Variants in DLX3 observed in about 807,000 individuals in gnomAD.
DLX3 encodes the protein homeobox protein DLX-3.
In DLX3, 9 loss-of-function variants were observed where a neutral mutation model predicts 28.0. The observed-to-expected ratio is 0.32, with a 90% confidence interval of 0.19 to 0.56. The LOEUF is 0.56. Among genes scored for constraint, DLX3 ranks in the 20% least tolerant of loss-of-function variants. DLX3 has a pLI of 0.91. For synonymous variants in DLX3, 154 were observed against 167.9 expected (o/e 0.92, Z 0.64); for missense variants, 313 against 378.2 (o/e 0.83, Z 1.43).
At position 49,995,169 on chromosome 17, in the gene DLX3, G is replaced by A; in HGVS notation, c.-171C>T. On this transcript the variant is annotated 5_prime_UTR_variant, in exon 1 of 3. Coordinates refer to ENST00000434704, the MANE Select transcript of DLX3 (RefSeq NM_005220.3). ...CCGAGAGGCGCTTACACCATTGCCTGCCGTCAGGCGGTCGCTGCGCGCCTC... is the reference window on the plus strand; with the variant it reads ...CCGAGAGGCGCTTACACCATTGCCTACCGTCAGGCGGTCGCTGCGCGCCTC... 1 of 796,918 alleles carries A rather than the reference G, an allele frequency of 1.3e-6. No homozygotes were observed. The highest frequency in any genetic ancestry group is 2.0e-6 in the Non-Finnish European group (1 of 493,422). The allele number at this position is 796,918 out of a possible 1,614,324, so 49.4% of individuals were successfully genotyped here.
At position 49,993,487 on chromosome 17, in the gene DLX3, G is replaced by A; in HGVS notation, c.429C>T (p.Ala143=). The stretch of plus-strand genomic sequence containing the variant: ...GGGCCTTCTGGAAGCGGCGCTGCAG[G>A]GCGGCCAGCTGGTAGCTGGAGTAGA... ...RTIYSSYQLA[A]LQRRFQKAQY... is the part of the protein sequence containing the mutation. The change falls in exon 2 of 3, where the codon GCC becomes GCT. Residue 143 remains alanine (A), a synonymous_variant. Coordinates refer to ENST00000434704, the MANE Select transcript of DLX3 (RefSeq NM_005220.3). The A allele has an allele frequency of 1.2e-6, 2 of 1,613,094 alleles. No individual in the cohort carries two copies. Among genetic ancestry groups the A allele is most frequent in the Non-Finnish European group, 1.7e-6 (2 of 1,179,474 alleles).
intron 1 of DLX3, among the ~76,000 whole-genome samples, chr17:49,994,255 C>T (rs1906202414): frequency 6.6e-6 from 1 of 151,898 alleles, no homozygotes; most frequent in Non-Finnish European, 1.5e-5. Context: ...TCTCATTGCC[C>T]CCTCACGACT....
At position 49,991,733 on chromosome 17, in the gene DLX3, C is replaced by G. The variant is rs773054749; in HGVS notation, c.648G>C (p.Trp216Cys). Residue 216 changes from tryptophan (W) to cysteine (C), a missense_variant, in exon 3 of 3, where the codon TGG becomes TGC. Transcript: ENST00000434704. ...ACNSPPSPAL[W>C]DTSSHSTPAP... ...CCGGAGTGGAGTGGGAAGAGGTGTC[C>G]CAGAGGGCGGGTGATGGTGGTGAGT... 6.2e-7 allele frequency: 1 copy of G among 1,613,866 alleles called. No homozygotes were observed. The highest frequency in any genetic ancestry group is 8.5e-7 in the Non-Finnish European group (1 of 1,179,972).
In DLX3 at chr17:49,990,992, C is replaced by T. The variant is rs1368592193; in HGVS notation, c.*525G>A. 1.3e-5 allele frequency: 2 copies of T among 158,790 alleles called. No individual in the cohort carries two copies. Among genetic ancestry groups the T allele is most frequent in the African/African-American group, 2.4e-5 (1 of 41,488 alleles). The allele number at this position is 158,790 out of a possible 1,614,324, so 9.8% of individuals were successfully genotyped here. On this transcript the variant is annotated 3_prime_UTR_variant, in exon 3 of 3. Transcript: ENST00000434704. ...GCGGTGACCAGTTCAGGTCCCCACCCGGAGTCCTCGTCATGATGTCCACTG... is the reference window on the plus strand; with the variant it reads ...GCGGTGACCAGTTCAGGTCCCCACCTGGAGTCCTCGTCATGATGTCCACTG...
chr17:49,993,265 C>T, intron 2 of DLX3, 135 bp downstream of exon 2: 1 of 903,734 alleles, frequency 1.1e-6, no homozygotes, highest in Non-Finnish European at 1.7e-6. Flanking sequence ...CGAAGTTGAA[C>T]CTCGCAGGCC....
In DLX3 at chr17:49,991,427, T is replaced by C. The variant is rs1389151845; in HGVS notation, c.*90A>G. On this transcript the variant is annotated 3_prime_UTR_variant, in exon 3 of 3. Coordinates refer to ENST00000434704, the MANE Select transcript of DLX3 (RefSeq NM_005220.3). Reference sequence around the variant, plus strand: ...GGGGAAAGGGAGTTCCTTTTCCCTGTGCTCCTCGATGATTCCTGAGTGGCT... The same window carrying C: ...GGGGAAAGGGAGTTCCTTTTCCCTGCGCTCCTCGATGATTCCTGAGTGGCT... The C allele has an allele frequency of 2.6e-6, 3 of 1,170,440 alleles. No individual in the cohort carries two copies. The highest frequency in any genetic ancestry group is 3.6e-6 in the Non-Finnish European group (3 of 843,674). 72.5% of individuals were successfully genotyped at this position (1,170,440 alleles called of 1,614,324 possible). A position where few individuals can be genotyped will look rare whatever the true frequency, so the allele number is the denominator to read the frequency against.
chr17:49,993,342 G>A, intron 2 of DLX3, 58 bp downstream of exon 2: 1 of 1,519,424 alleles, frequency 6.6e-7, no homozygotes, highest in Non-Finnish European at 8.8e-7. Flanking sequence ...GCTCGGCAGC[G>A]CGCGGGGAAC....
chr17:49,993,305 C>T (rs1906157960), intron 2 of DLX3, 95 bp downstream of exon 2: 1 of 1,347,684 alleles, frequency 7.4e-7, no homozygotes, highest in South Asian at 1.3e-5. Context: ...TTCCAGGAGC[C>T]CGCAGGGCCC....
intron 1 of DLX3, among the ~76,000 whole-genome samples, chr17:49,994,256 C>G (rs1906202480): frequency 6.6e-6 from 1 of 152,080 alleles, no homozygotes; most frequent in Non-Finnish European, 1.5e-5. Context: ...CTCATTGCCC[C>G]CTCACGACTC....
Position 49,995,188 on chromosome 17 carries a change from G to A in DLX3, c.-190C>T, listed in dbSNP as rs886053136. ...TTGCCTGCCGTCAGGCGGTCGCTGC[G>A]CGCCTCTCCTCGCGTCCCAAGCCAC... On this transcript the variant is annotated 5_prime_UTR_variant, in exon 1 of 3. Coordinates refer to ENST00000434704, the MANE Select transcript of DLX3 (RefSeq NM_005220.3). 1.8e-4 allele frequency: 128 copies of A among 708,856 alleles called. 1 individual carries two copies. Among genetic ancestry groups the A allele is most frequent in the Admixed American group, 3.3e-4 (14 of 42,506 alleles). The allele number at this position is 708,856 out of a possible 1,614,324, so 43.9% of individuals were successfully genotyped here. A position where few individuals can be genotyped will look rare whatever the true frequency, so the allele number is the denominator to read the frequency against.
At position 49,991,181 on chromosome 17, in the gene DLX3, A is replaced by G; in HGVS notation, c.*336T>C. 1 of 271,534 alleles carries G rather than the reference A, an allele frequency of 3.7e-6. No individual in the cohort carries two copies. The highest frequency in any genetic ancestry group is 7.0e-6 in the Non-Finnish European group (1 of 143,628). The allele number at this position is 271,534 out of a possible 1,614,324, so 16.8% of individuals were successfully genotyped here. On this transcript the variant is annotated 3_prime_UTR_variant, in exon 3 of 3. Transcript: ENST00000434704. ...ATCCCAAGGTCTCCAGTCTGGGAAC[A>G]GGCACTAAGTTTAAGAAGCTGGAAG...
chr17:49,993,698 G>T (rs1906181890), intron 1 of DLX3, 108 bp from the exon 2 acceptor site: 1 of 1,311,832 alleles, frequency 7.6e-7, no homozygotes, highest in East Asian at 2.8e-5. Context: ...CCACCGACTC[G>T]CCGCGGGATT....
At position 49,991,799 on chromosome 17, in the gene DLX3, C is replaced by A. The variant is rs11868203; in HGVS notation, c.582G>T (p.Pro194=). The change falls in exon 3 of 3, where the codon CCG becomes CCT. Residue 194 remains proline, a synonymous_variant. Coordinates refer to ENST00000434704, the MANE Select transcript of DLX3 (RefSeq NM_005220.3). ...FKKLYKNGEV[P]LEHSPNNSDS... is the part of the protein sequence containing the mutation. Reference sequence around the variant, plus strand: ...CACTGTTATTGGGACTGTGCTCCAGCGGCACCTCCCCGTTCTTGTAGAGTT... The same window carrying A: ...CACTGTTATTGGGACTGTGCTCCAGAGGCACCTCCCCGTTCTTGTAGAGTT... 2.6e-5 allele frequency: 42 copies of A among 1,613,940 alleles called. No homozygotes were observed. In the Admixed American group the frequency reaches 3.0e-4, roughly 12 times the overall value.
chr17:49,994,555 A>C, intron 1 of DLX3, 119 bp downstream of exon 1: 2 of 1,228,650 alleles, frequency 1.6e-6, no homozygotes, highest in South Asian at 2.7e-5. Flanking sequence ...CAACTTCTCT[A>C]ACTCCAGACA....
chr17:49,994,750 C>A lies in DLX3; in HGVS notation c.249G>T (p.Lys83Asn), dbSNP rs1448712346. Reference protein sequence around the residue: ...GLAGTGAYSPKSEYTYGASYR... With the variant: ...GLAGTGAYSPNSEYTYGASYR... ...AGGAGGCTCCGTAGGTATATTCCGA[C>A]TTGGGCGAGTAAGCGCCCGTGCCTG... The change falls in exon 1 of 3, where the codon AAG (lysine) becomes AAT (asparagine). Residue 83 changes from lysine (K) to asparagine (N), a missense_variant. By Grantham distance (94) the Lys-to-Asn change is moderately conservative (BLOSUM62 0). Transcript: ENST00000434704. 6.2e-7 allele frequency: 1 copy of A among 1,614,224 alleles called. No individual in the cohort carries two copies. Among genetic ancestry groups the A allele is most frequent in the Non-Finnish European group, 8.5e-7 (1 of 1,180,036 alleles).
rs2144185205 is a variant in DLX3 at position 49,993,506 on chromosome 17, G to C, written c.410C>G (p.Ser137Cys). ...KKVRKPRTIY[S>C]SYQLAALQRR... ...CTGCAGGGCGGCCAGCTGGTAGCTGGAGTAGATCGTACGCGGCTTTCGGAC... is the reference window on the plus strand; with the variant it reads ...CTGCAGGGCGGCCAGCTGGTAGCTGCAGTAGATCGTACGCGGCTTTCGGAC... The change falls in exon 2 of 3, where the codon TCC becomes TGC. Residue 137 changes from serine (S) to cysteine (C), a missense_variant. By Grantham distance (112) the Ser-to-Cys change is moderately radical (BLOSUM62 -1). Around this residue, in one of 3 missense-constraint regions of DLX3, gnomAD observed 183 missense variants for 197.7 expected, o/e 0.93. Transcript: ENST00000434704. 6.2e-7 allele frequency: 1 copy of C among 1,613,638 alleles called. No individual in the cohort carries two copies. Among genetic ancestry groups the C allele is most frequent in the East Asian group, 2.2e-5 (1 of 44,852 alleles).
At chr17:49,992,245 A>C (rs1906116389) in intron 2 of DLX3, among the ~76,000 whole-genome samples, 1 of 152,138 alleles carries the variant, frequency 6.6e-6, no homozygotes, top group Non-Finnish European at 1.5e-5. Context: ...TGTAGTAAGC[A>C]CTCAATAAAA....
chr17:49,991,430 T>A lies in DLX3; in HGVS notation c.*87A>T, dbSNP rs1420666974. ...GAAAGGGAGTTCCTTTTCCCTGTGCTCCTCGATGATTCCTGAGTGGCTAGG... is the reference window on the plus strand; with the variant it reads ...GAAAGGGAGTTCCTTTTCCCTGTGCACCTCGATGATTCCTGAGTGGCTAGG... On this transcript the variant is annotated 3_prime_UTR_variant, in exon 3 of 3. Coordinates refer to ENST00000434704, the MANE Select transcript of DLX3 (RefSeq NM_005220.3). The A allele has an allele frequency of 8.4e-7, 1 of 1,193,378 alleles. No individual in the cohort carries two copies. The highest frequency in any genetic ancestry group is 2.5e-5 in the East Asian group (1 of 39,646). 73.9% of individuals were successfully genotyped at this position (1,193,378 alleles called of 1,614,324 possible). A position where few individuals can be genotyped will look rare whatever the true frequency, so the allele number is the denominator to read the frequency against.
chr17:49,992,779 T>A (rs138304286), intron 2 of DLX3, among the ~76,000 whole-genome samples: 1 of 152,276 alleles, frequency 6.6e-6, no homozygotes, highest in East Asian at 1.9e-4. Context: ...CTGGGGGCTT[T>A]AGGGACTGGA....
Sources: allele counts gnomAD v4.1 joint callset (sites outside exome capture counted in the v4.1 genomes callset), GRCh38; gene constraint gnomAD v4.1.1; regional missense constraint gnomAD v4.1.1; transcripts MANE v1.5; gene names NCBI Gene and HGNC (gene_info 2026-07-23, HGNC 2026-07-21).